WWOX: variants seen among roughly 807,000 people sequenced by gnomAD.
WWOX encodes WW domain containing oxidoreductase.
A neutral mutation model predicts 46.2 loss-of-function variants in WWOX; 69 were observed. That is an observed-to-expected ratio of 1.49 (90% CI 1.23 to 1.82). WWOX has a LOEUF of 1.82. WWOX is among the 40% of genes most tolerant of loss of function. WWOX has a pLI of 0.00. For synonymous variants in WWOX, 359 were observed against 202.6 expected (o/e 1.77, Z -6.56); for missense variants, 919 against 542.6 (o/e 1.69, Z -6.89).
chr16:78,868,685 A>G (rs190656769), intron 8 of WWOX, among the ~76,000 whole-genome samples: 2 of 152,320 alleles, frequency 1.3e-5, no homozygotes, highest in African/African-American at 4.8e-5. Context: ...TCACTCTGAG[A>G]TTGAAGAGAG....
chr16:78,846,194 A>G (rs1250615876), intron 8 of WWOX, among the ~76,000 whole-genome samples: 1 of 152,190 alleles, frequency 6.6e-6, no homozygotes, highest in African/African-American at 2.4e-5. Context: ...AAATACTGCA[A>G]AGATTTCCCA....
chr16:79,117,037 G>C (rs545869501), intron 8 of WWOX, among the ~76,000 whole-genome samples: 2 of 138,152 alleles, frequency 1.4e-5, no homozygotes, highest in African/African-American at 5.2e-5. Flanking sequence ...TCAACAAGTG[G>C]AATATTTTTA....
chr16:78,141,235 T>A (rs2033974239), intron 4 of WWOX, among the ~76,000 whole-genome samples: 1 of 152,150 alleles, frequency 6.6e-6, no homozygotes, highest in Non-Finnish European at 1.5e-5. Flanking sequence ...GGGCTTTGGG[T>A]TTGTGATGGT....
intron 8 of WWOX, among the ~76,000 whole-genome samples, chr16:78,549,092 C>A (rs1196122780): frequency 2.6e-5 from 4 of 152,098 alleles, no homozygotes; most frequent in African/African-American, 9.7e-5. Flanking sequence ...GAAAATAAAT[C>A]TCAGCTCTCT....
At chr16:78,410,610 G>A (rs2082656906) in intron 6 of WWOX, among the ~76,000 whole-genome samples, 1 of 151,912 alleles carries the variant, frequency 6.6e-6, no homozygotes, top group African/African-American at 2.4e-5. Flanking sequence ...AGGAGTTTGA[G>A]ACCAACCTGG....
intron 8 of WWOX, among the ~76,000 whole-genome samples, chr16:78,829,341 A>G (rs928659742): frequency 4.6e-5 from 7 of 152,230 alleles, no homozygotes; most frequent in African/African-American, 1.7e-4. Flanking sequence ...TCAGGCAAAG[A>G]GAGAAAATTA....
At chr16:79,173,021 T>C (rs2050731750) in intron 8 of WWOX, among the ~76,000 whole-genome samples, 1 of 152,134 alleles carries the variant, frequency 6.6e-6, no homozygotes, top group African/African-American at 2.4e-5. Context: ...ACCCCATCTC[T>C]AAATAAGTAA....
At chr16:79,059,485 T>G (rs1036378473) in intron 8 of WWOX, among the ~76,000 whole-genome samples, 1 of 152,218 alleles carries the variant, frequency 6.6e-6, no homozygotes, top group Non-Finnish European at 1.5e-5. Context: ...CAGTCTTTTT[T>G]ATTTATATGT....
intron 8 of WWOX, among the ~76,000 whole-genome samples, chr16:78,957,921 A>G (rs1203790995): frequency 6.6e-6 from 1 of 152,088 alleles, no homozygotes; most frequent in African/African-American, 2.4e-5. Context: ...TTGTGCAACA[A>G]CTCAATTCAC....
intron 5 of WWOX, among the ~76,000 whole-genome samples, chr16:78,341,702 C>G (rs2081018587): frequency 8.3e-6 from 1 of 120,050 alleles, no homozygotes; most frequent in Admixed American, 8.1e-5. Context: ...TGAGACATAG[C>G]ATCGAGTGTG....
intron 8 of WWOX, among the ~76,000 whole-genome samples, chr16:78,852,574 A>ATCCT (rs1345126572): frequency 1.3e-5 from 2 of 152,176 alleles, no homozygotes; most frequent in African/African-American, 4.8e-5. Context: ...TTGACTTAGG[A>ATCCT]GACACCCAAG....
At chr16:78,120,641 T>G (rs1038957572) in intron 4 of WWOX, among the ~76,000 whole-genome samples, 14 of 152,060 alleles carry the variant, frequency 9.2e-5, no homozygotes, top group Admixed American at 6.6e-4. Context: ...GATGTTGAAA[T>G]TGATTGTCTT....
intron 8 of WWOX, among the ~76,000 whole-genome samples, chr16:79,009,347 C>T (rs1292685584): frequency 6.6e-6 from 1 of 152,170 alleles, no homozygotes; most frequent in Non-Finnish European, 1.5e-5. Context: ...ACTGCTGTGG[C>T]TCTTTTTCAC....
chr16:78,772,601 A>G (rs1229647168), intron 8 of WWOX, among the ~76,000 whole-genome samples: 5 of 152,186 alleles, frequency 3.3e-5, no homozygotes, highest in Non-Finnish European at 7.3e-5. Flanking sequence ...TTAAACAAAC[A>G]AATAAAAAAG....
At chr16:78,855,469 T>G (rs1459981328) in intron 8 of WWOX, among the ~76,000 whole-genome samples, 1 of 152,230 alleles carries the variant, frequency 6.6e-6, no homozygotes, top group Non-Finnish European at 1.5e-5. Context: ...TCTTTTGCTA[T>G]GTTCACTTTG....
chr16:78,745,522 CTTTTTTTT>C (rs5818168), intron 8 of WWOX, among the ~76,000 whole-genome samples: 87 of 92,750 alleles, frequency 9.4e-4, no homozygotes, highest in African/African-American at 3.9e-3. Context: ...TGTGGAAATC[CTTTTTTTT>C]TTTTTTTTTT....
intron 8 of WWOX, among the ~76,000 whole-genome samples, chr16:78,454,889 C>A (rs929264638): frequency 2.0e-5 from 3 of 152,230 alleles, no homozygotes; most frequent in African/African-American, 7.2e-5. Flanking sequence ...TTTCACCACC[C>A]CGCTAGATCA....
chr16:78,806,760 C>A (rs749359111), intron 8 of WWOX, among the ~76,000 whole-genome samples: 12 of 152,128 alleles, frequency 7.9e-5, no homozygotes, highest in Non-Finnish European at 1.5e-4. Context: ...CCCACCCCAA[C>A]CAGGTTTGCA....
At chr16:78,942,159 G>A (rs891038854) in intron 8 of WWOX, among the ~76,000 whole-genome samples, 10 of 152,136 alleles carry the variant, frequency 6.6e-5, no homozygotes, top group Non-Finnish European at 7.4e-5. Flanking sequence ...TGATTGGTAT[G>A]GAGAAGCAGA....
Sources: gnomAD v4.1 joint callset for allele counts (sites outside exome capture counted in the v4.1 genomes callset) on GRCh38, gnomAD v4.1.1 for gene constraint, MANE v1.5 for transcripts, NCBI Gene and HGNC (gene_info 2026-07-23, HGNC 2026-07-21) for gene names.